The following RBFOX1 variants were observed in gnomAD, a reference collection of about 807,000 sequenced individuals.
RBFOX1 encodes the protein RNA binding fox-1 homolog 1, also known as RNA binding protein fox-1 homolog 1.
In RBFOX1, 8 loss-of-function variants were observed where a neutral mutation model predicts 57.7. The observed-to-expected ratio is 0.14, with a 90% CI of 0.08 to 0.25. The LOEUF is 0.25. RBFOX1 is among the 10% of genes least tolerant of loss of function. The probability of loss-of-function intolerance (pLI) is 1.00; values close to 1 mark genes in which losing one functional copy is unlikely to be tolerated. For synonymous variants in RBFOX1, 326 were observed against 222.4 expected, an observed-to-expected ratio of 1.47 and a Z score of -4.15; for missense variants, 611 against 548.5, an observed-to-expected ratio of 1.11 and a Z score of -1.14.
intron 4 of RBFOX1, among the ~76,000 whole-genome samples, chr16:5,996,337 C>A (rs571926171): frequency 6.6e-6 from 1 of 152,258 alleles, no homozygotes; most frequent in African/African-American, 2.4e-5. Flanking sequence ...GATTTGAAAC[C>A]CATGAGAACC....
chr16:6,640,738 A>T (rs567188342), intron 2 of RBFOX1, among the ~76,000 whole-genome samples: 1 of 151,984 alleles, frequency 6.6e-6, no homozygotes, highest in Non-Finnish European at 1.5e-5. Context: ...GAATAAAAAA[A>T]CTCCTTCTGA....
chr16:5,825,668 A>G (rs2056012392), intron 3 of RBFOX1, among the ~76,000 whole-genome samples: 1 of 152,200 alleles, frequency 6.6e-6, no homozygotes, highest in Non-Finnish European at 1.5e-5. Flanking sequence ...TGTCTGCCCC[A>G]GAAACTTTTC....
chr16:5,353,477 A>G (rs531086579), intron 1 of RBFOX1, among the ~76,000 whole-genome samples: 60 of 152,112 alleles, frequency 3.9e-4, no homozygotes, highest in African/African-American at 1.4e-3. Context: ...ATTTTTAAAC[A>G]GTCCAGTTCA....
At chr16:5,751,709 A>C (rs931488417) in intron 3 of RBFOX1, among the ~76,000 whole-genome samples, 2 of 152,212 alleles carry the variant, frequency 1.3e-5, no homozygotes, top group African/African-American at 4.8e-5. Flanking sequence ...TTAGCTGTAG[A>C]ATATCCACTA....
intron 2 of RBFOX1, among the ~76,000 whole-genome samples, chr16:5,581,987 T>G (rs2046682841): frequency 6.6e-6 from 1 of 152,238 alleles, no homozygotes; most frequent in South Asian, 2.1e-4. Flanking sequence ...CAATGCAGGA[T>G]TACATTTAAG....
intron 1 of RBFOX1, among the ~76,000 whole-genome samples, chr16:5,464,649 C>T (rs1685989370): frequency 1.3e-5 from 2 of 152,222 alleles, no homozygotes; most frequent in South Asian, 2.1e-4. Context: ...CGAGAGGCCT[C>T]CTCTGTTTGT....
chr16:7,297,119 T>C (rs1427679329), intron 4 of RBFOX1, among the ~76,000 whole-genome samples: 2 of 152,142 alleles, frequency 1.3e-5, no homozygotes, highest in Non-Finnish European at 2.9e-5. Context: ...GAAGACACTG[T>C]CTGTACCTCC....
chr16:5,575,977 A>C (rs1285037088), intron 2 of RBFOX1, among the ~76,000 whole-genome samples: 1 of 148,082 alleles, frequency 6.8e-6, no homozygotes, highest in Non-Finnish European at 1.5e-5. Context: ...GATTTGCAGA[A>C]ATTTTCATCT....
chr16:5,253,282 C>T (rs532016224), intron 1 of RBFOX1, among the ~76,000 whole-genome samples: 107 of 152,072 alleles, frequency 7.0e-4, no homozygotes, highest in Non-Finnish European at 1.0e-3. Flanking sequence ...CCTGAGTAGC[C>T]GGGACTAGAG....
intron 14 of RBFOX1, among the ~76,000 whole-genome samples, chr16:7,697,029 G>T (rs995148349): frequency 6.6e-6 from 1 of 152,184 alleles, no homozygotes; most frequent in Non-Finnish European, 1.5e-5. Context: ...GGAGGCTGCA[G>T]AACATATTTG....
At position 5,245,015 on chromosome 16, in the gene RBFOX1, G is replaced by C. The variant is rs569942107; in HGVS notation, c.219+4910G>C. The stretch of plus-strand genomic sequence containing the variant: ...TGTGTTTCTCAGTTGGAAAGGCTTT[G>C]GACCATAGGGAAATGTCTTCTCAAT... On this transcript the variant is annotated intron_variant, in intron 1 of 2. Transcript: ENST00000585867. Among the ~76,000 whole-genome samples, 10 of 152,298 alleles carry C rather than the reference G, an allele frequency of 6.6e-5. No homozygotes were observed. The East Asian group carries it at 1.2e-3, about 18-fold the overall frequency.
chr16:5,928,251 T>C, intron 4 of RBFOX1, among the ~76,000 whole-genome samples: 1 of 151,830 alleles, frequency 6.6e-6, no homozygotes, highest in Admixed American at 6.6e-5. Context: ...TTGCTAGTGT[T>C]TTAATTGTTT....
At chr16:6,823,532 C>T (rs750312857) in intron 3 of RBFOX1, among the ~76,000 whole-genome samples, 1 of 152,166 alleles carries the variant, frequency 6.6e-6, no homozygotes, top group Non-Finnish European at 1.5e-5. Flanking sequence ...GCTGGTATTA[C>T]AGGAGGGAGC....
At position 5,367,524 on chromosome 16, in the gene RBFOX1, C is replaced by T. The variant is rs144513434; in HGVS notation, c.220-99692C>T. ...ACAGGGAAGGAGGAGCCCAGAGTGG[C>T]ACCATTACTGTCTTTGGAGTGTTAG... On this transcript the variant is annotated intron_variant, in intron 1 of 2. Transcript: ENST00000585867. 7.2e-5 allele frequency among the ~76,000 whole-genome samples: 11 copies of T among 152,298 alleles called. No individual in the cohort carries two copies. The East Asian group carries it at 1.7e-3, about 24-fold the overall frequency.
chr16:6,822,292 C>T (rs1404158426), intron 3 of RBFOX1, among the ~76,000 whole-genome samples: 1 of 152,082 alleles, frequency 6.6e-6, no homozygotes, highest in Non-Finnish European at 1.5e-5. Context: ...ATTCTATCAC[C>T]ATTATTCTTT....
At chr16:7,567,451 ATGTATGG>A (rs1474007211) in intron 5 of RBFOX1, among the ~76,000 whole-genome samples, 1 of 119,028 alleles carries the variant, frequency 8.4e-6, no homozygotes, top group East Asian at 2.4e-4. Context: ...ATATATCCCT[ATGTATGG>A]CCCTATATAT....
At chr16:5,710,830 A>G (rs1208258516) in intron 3 of RBFOX1, among the ~76,000 whole-genome samples, 1 of 152,206 alleles carries the variant, frequency 6.6e-6, no homozygotes, top group East Asian at 1.9e-4. Flanking sequence ...AGGCAGGGCA[A>G]GAGCTGTTGT....
rs2096611859 is a variant in RBFOX1, at chr16:7,326,369, C to T, written c.28-191778C>T. Among the ~76,000 whole-genome samples, 3 of 151,984 alleles carry T rather than the reference C, an allele frequency of 2.0e-5. No homozygotes were observed. The South Asian group carries it at 6.2e-4, about 32-fold the overall frequency. ...GCTGGGAAGACCTGGCATATGACTG[C>T]TTGTGGAAGGATGGGATGTATATAT... On this transcript the variant is annotated intron_variant, in intron 4 of 15. Coordinates refer to ENST00000550418, the MANE Select transcript of RBFOX1 (RefSeq NM_018723.4).
chr16:7,480,365 T>C (rs1029584856), intron 4 of RBFOX1, among the ~76,000 whole-genome samples: 17 of 152,190 alleles, frequency 1.1e-4, no homozygotes, highest in African/African-American at 3.9e-4. Flanking sequence ...TTTTACTGTT[T>C]AGAGGGTTAA....
Sources: allele counts gnomAD v4.1 joint callset (sites outside exome capture counted in the v4.1 genomes callset), GRCh38; gene constraint gnomAD v4.1.1; transcripts MANE v1.5; gene names NCBI Gene and HGNC (gene_info 2026-07-23, HGNC 2026-07-21).